The following GPR146 variants were observed in gnomAD, a reference collection of about 807,000 sequenced individuals.
GPR146 encodes the protein G protein-coupled receptor 146, also known as G-protein coupled receptor 146.
For synonymous variants in GPR146, 203 were observed against 104.3 expected, an observed-to-expected ratio of 1.95 and a Z score of -5.77; for missense variants, 381 against 213.9, an observed-to-expected ratio of 1.78 and a Z score of -4.87.
In GPR146 at chr7:1,058,965, T is replaced by TGGCCGGGCCCTGCCAGTGGGC. The variant is rs1196338462; in HGVS notation, c.*452_*472dup. On this transcript the variant is annotated 3_prime_UTR_variant, in exon 2 of 2. Transcript: ENST00000444847. ...TACGAAAGAATGGCAACAGCCAGGGTGGCCGGGCCCTGCCAGTGGGCGGCG... is the reference window on the plus strand; with the variant it reads ...TACGAAAGAATGGCAACAGCCAGGGTGGCCGGGCCCTGCCAGTGGGCGGCCGGGCCCTGCCAGTGGGCGGCG... The TGGCCGGGCCCTGCCAGTGGGC allele has an allele frequency of 9.6e-5, 18 of 186,652 alleles. No individual in the cohort carries two copies. Among genetic ancestry groups the TGGCCGGGCCCTGCCAGTGGGC allele is most frequent in the Non-Finnish European group, 2.2e-4 (17 of 78,776 alleles). 11.6% of individuals were successfully genotyped at this position (186,652 alleles called of 1,614,324 possible). A position where few individuals can be genotyped will look rare whatever the true frequency, so the allele number is the denominator to read the frequency against.
In GPR146 at chr7:1,058,408, A is replaced by G; in HGVS notation, c.893A>G (p.Tyr298Cys). Residue 298 changes from tyrosine to cysteine, a missense_variant, in exon 2 of 2, where the codon TAC (tyrosine) becomes TGC (cysteine). Transcript: ENST00000444847. Reference sequence around the variant, plus strand: ...TTTGTGACACCACTTCTCTACCGCTACATGAACCAGAGCTTCCCCAGCAAG... The same window carrying G: ...TTTGTGACACCACTTCTCTACCGCTGCATGAACCAGAGCTTCCCCAGCAAG... ...SSFVTPLLYRYMNQSFPSKLQ... is the reference protein window; with the variant it reads ...SSFVTPLLYRCMNQSFPSKLQ... 1.3e-6 allele frequency: 1 copy of G among 780,730 alleles called. No homozygotes were observed. 48.4% of individuals were successfully genotyped at this position (780,730 alleles called of 1,614,324 possible).
At chr7:1,053,375 C>A (rs764624431) in intron 1 of GPR146, among the ~76,000 whole-genome samples, 1 of 152,230 alleles carries the variant, frequency 6.6e-6, no homozygotes, top group South Asian at 2.1e-4. Context: ...CTAATGTGCC[C>A]GGAACAGCTC....
chr7:1,057,382 G>T, intron 1 of GPR146, 110 bp from the exon 2 acceptor site: 2 of 602,486 alleles, frequency 3.3e-6, no homozygotes, highest in Non-Finnish European at 5.9e-6. Context: ...CTCGCTCTGT[G>T]GTCTGCAGCG....
At position 1,058,030 on chromosome 7, in the gene GPR146, C is replaced by T; in HGVS notation, c.515C>T (p.Ser172Phe). 2 of 769,410 alleles carry T rather than the reference C, an allele frequency of 2.6e-6. No individual in the cohort carries two copies. Among genetic ancestry groups the T allele is most frequent in the Admixed American group, 3.4e-5 (2 of 59,044 alleles). 47.7% of individuals were successfully genotyped at this position (769,410 alleles called of 1,614,324 possible). A position where few individuals can be genotyped will look rare whatever the true frequency, so the allele number is the denominator to read the frequency against. The change falls in exon 2 of 2, where the codon TCC (serine) becomes TTC (phenylalanine). Residue 172 changes from serine (S) to phenylalanine (F), a missense_variant. Ser to Phe is a radical substitution (Grantham distance 155). Coordinates refer to ENST00000444847, the MANE Select transcript of GPR146 (RefSeq NM_001303473.2). ...CTCTTCTACATCTGCAGCCATGTGT[C>T]CACCCGCGCGCTAGAGTGCGCCAAG... The part of the protein sequence containing the change: ...SLLFYICSHV[S>F]TRALECAKMQ...
intron 1 of GPR146, among the ~76,000 whole-genome samples, chr7:1,054,241 C>T (rs981243217): frequency 6.6e-6 from 1 of 152,226 alleles, no homozygotes. Context: ...ACCTTCCAAC[C>T]GGCGGAGAGT....
At chr7:1,056,856 T>A (rs1436325805) in intron 1 of GPR146, 1 of 28,074 alleles carries the variant, frequency 3.6e-5, no homozygotes, top group Non-Finnish European at 6.8e-5. Context: ...TGCCTGTGCT[T>A]TGGCGGGGTG....
In GPR146 at chr7:1,058,178, C is replaced by T. The variant is rs149466595; in HGVS notation, c.663C>T (p.Asp221=). ...SRVRREDTPL[D]RDTGRLEPSA... The stretch of plus-strand genomic sequence containing the variant: ...TCCGCAGGGAGGACACGCCCCTGGA[C>T]CGGGACACGGGCCGGCTGGAGCCCT... Residue 221 remains aspartate, a synonymous_variant, in exon 2 of 2, where the codon GAC becomes GAT. Coordinates refer to ENST00000444847, the MANE Select transcript of GPR146 (RefSeq NM_001303473.2). 1 of 740,418 alleles carries T rather than the reference C, an allele frequency of 1.4e-6. No individual in the cohort carries two copies. The allele number at this position is 740,418 out of a possible 1,614,324, so 45.9% of individuals were successfully genotyped here. A position where few individuals can be genotyped will look rare whatever the true frequency, so the allele number is the denominator to read the frequency against.
chr7:1,053,806 A>C (rs181051796), intron 1 of GPR146, among the ~76,000 whole-genome samples: 4 of 152,164 alleles, frequency 2.6e-5, no homozygotes, highest in African/African-American at 9.7e-5. Flanking sequence ...CAGCCTGGGC[A>C]ACAGAGCGAG....
intron 1 of GPR146, chr7:1,055,198 G>A: frequency 2.1e-6 from 1 of 468,758 alleles, no homozygotes; most frequent in Non-Finnish European, 4.4e-6. Context: ...CTCGTTTCTG[G>A]AACCCGGCTG....
rs371409428 is a variant in GPR146 at position 1,048,156 on chromosome 7, G to A, written c.-25+3498G>A. Among the ~76,000 whole-genome samples the A allele has an allele frequency of 2.0e-4, 31 of 152,146 alleles. 2 individuals carry two copies. Among genetic ancestry groups the A allele is most frequent in the Admixed American group, 1.3e-3 (20 of 15,272 alleles). The stretch of plus-strand genomic sequence containing the variant: ...GTTTGCTGAGAGAACGAGGGGAAGC[G>A]AGAAAGGGTGTTCTAGGCAAGGGAT... On this transcript the variant is annotated intron_variant, in intron 1 of 1. Coordinates refer to ENST00000444847, the MANE Select transcript of GPR146 (RefSeq NM_001303473.2).
At chr7:1,053,882 G>A (rs554840749) in intron 1 of GPR146, among the ~76,000 whole-genome samples, 2 of 152,340 alleles carry the variant, frequency 1.3e-5, no homozygotes, top group South Asian at 4.1e-4. Flanking sequence ...TTCTCTGGGA[G>A]CCATGGCTAA....
Position 1,052,202 on chromosome 7 carries a change from C to T in GPR146, c.-24-5290C>T, listed in dbSNP as rs918227844. 3.3e-5 allele frequency among the ~76,000 whole-genome samples: 5 copies of T among 152,264 alleles called. No homozygotes were observed. Among genetic ancestry groups the T allele is most frequent in the African/African-American group, 7.2e-5 (3 of 41,466 alleles). The stretch of plus-strand genomic sequence containing the variant: ...TCCCTAAGAGACCCTGAGGCCTGCT[C>T]CAGGCTGAGTGGGTGAGGAGCCTCT... On this transcript the variant is annotated intron_variant, in intron 1 of 1. Coordinates refer to ENST00000444847, the MANE Select transcript of GPR146 (RefSeq NM_001303473.2). This position sits in a 1 kb window ranked among gnomAD's most constrained non-coding sequence, Gnocchi z 4.2.
intron 1 of GPR146, among the ~76,000 whole-genome samples, chr7:1,048,123 G>A (rs1037707811): frequency 1.3e-5 from 2 of 152,168 alleles, no homozygotes; most frequent in East Asian, 1.9e-4. Flanking sequence ...TGTCAAGGAC[G>A]AGCCAGTGTT....
At chr7:1,054,624 C>T (rs961387296) in intron 1 of GPR146, among the ~76,000 whole-genome samples, 5 of 152,216 alleles carry the variant, frequency 3.3e-5, no homozygotes, top group African/African-American at 1.2e-4. Context: ...CTTGGCCTCA[C>T]GGCGGGGCAG....
chr7:1,058,173 C>G lies in GPR146; in HGVS notation c.658C>G (p.Leu220Val). ...LSRVRREDTP[L>V]DRDTGRLEPS... Reference sequence around the variant, plus strand: ...CCGCGTCCGCAGGGAGGACACGCCCCTGGACCGGGACACGGGCCGGCTGGA... The same window carrying G: ...CCGCGTCCGCAGGGAGGACACGCCCGTGGACCGGGACACGGGCCGGCTGGA... The change falls in exon 2 of 2, where the codon CTG (leucine) becomes GTG (valine). Residue 220 changes from leucine to valine, a missense_variant. Transcript: ENST00000444847. The G allele has an allele frequency of 1.4e-6, 1 of 740,080 alleles. No individual in the cohort carries two copies. The highest frequency in any genetic ancestry group is 2.5e-6 in the Non-Finnish European group (1 of 403,830). 45.8% of individuals were successfully genotyped at this position (740,080 alleles called of 1,614,324 possible).
At position 1,057,959 on chromosome 7, in the gene GPR146, C is replaced by CG; in HGVS notation, c.446dup (p.Phe150LeufsTer287). The stretch of plus-strand genomic sequence containing the variant: ...GCGTGTACAACACGCGGCACGTGTG[C>CG]GGCTTCGTGTGGGGTGGCGCGCTGC... On this transcript the variant is annotated frameshift_variant, in exon 2 of 2. Transcript: ENST00000444847. LOFTEE classifies it low-confidence loss of function (END_TRUNC). 1.3e-6 allele frequency: 1 copy of CG among 772,002 alleles called. No homozygotes were observed. The highest frequency in any genetic ancestry group is 2.4e-6 in the Non-Finnish European group (1 of 417,990). 47.8% of individuals were successfully genotyped at this position (772,002 alleles called of 1,614,324 possible).
At chr7:1,049,202 G>C (rs77702926) in intron 1 of GPR146, among the ~76,000 whole-genome samples, 1 of 152,154 alleles carries the variant, frequency 6.6e-6, no homozygotes, top group Non-Finnish European at 1.5e-5. Context: ...CCTGCCCCAC[G>C]TTTCCCCTGC....
intron 1 of GPR146, among the ~76,000 whole-genome samples, chr7:1,048,848 G>T (rs1297109901): frequency 6.6e-6 from 1 of 152,198 alleles, no homozygotes; most frequent in Admixed American, 6.5e-5. Context: ...CCTGGAGCAG[G>T]TTCTCCTTCT....
chr7:1,053,596 G>A (rs1464302673), intron 1 of GPR146, among the ~76,000 whole-genome samples: 4 of 152,224 alleles, frequency 2.6e-5, no homozygotes, highest in African/African-American at 4.8e-5. Flanking sequence ...GGGAGGCCGA[G>A]GTGGGCGGAT....
Sources: gnomAD v4.1 joint callset for allele counts (sites outside exome capture counted in the v4.1 genomes callset) on GRCh38, gnomAD v4.1.1 for gene constraint, Gnocchi (gnomAD v3.1) non-coding constraint, MANE v1.5 for transcripts, NCBI Gene and HGNC (gene_info 2026-07-23, HGNC 2026-07-21) for gene names.